CHD9: variants seen among roughly 807,000 people sequenced by gnomAD.
CHD9 encodes the protein chromodomain helicase DNA binding protein 9, also known as ATP-dependent chromatin remodeler CHD9.
Under a neutral mutation model 316.1 loss-of-function variants are expected in CHD9, and 77 were observed. That is an observed-to-expected ratio of 0.24 (90% CI 0.20 to 0.29). The LOEUF is 0.29. Ranked by LOEUF, CHD9 falls within the 10% of genes least tolerant of loss-of-function variation. CHD9 has a pLI of 1.00. For missense variants in CHD9, 2,763 were observed against 3,438.1 expected (o/e 0.80, Z 4.91); for synonymous variants, 1,129 against 1,158.3 (o/e 0.97, Z 0.51).
rs143244358 is a variant in CHD9, at chr16:53,291,493, G to C, written c.5248-232G>C. Among the ~76,000 whole-genome samples the C allele has an allele frequency of 7.9e-3, 1,199 of 152,252 alleles. 10 individuals carry two copies. Among genetic ancestry groups the C allele is most frequent in the Non-Finnish European group, 0.011 (736 of 68,002 alleles). On this transcript the variant is annotated intron_variant, in intron 27 of 38. Coordinates refer to ENST00000447540, the MANE Select transcript of CHD9 (RefSeq NM_001308319.2). ...CTAGCTTAACAGTAATCATAGAAAAGGAAATACTTTTAGTAAATAATGACT... is the reference window on the plus strand; with the variant it reads ...CTAGCTTAACAGTAATCATAGAAAACGAAATACTTTTAGTAAATAATGACT...
In CHD9 at chr16:53,245,216, T is replaced by TAC; in HGVS notation, c.3055-119_3055-118insCA. 1.6e-6 allele frequency: 1 copy of TAC among 636,434 alleles called. No homozygotes were observed. The highest frequency in any genetic ancestry group is 2.5e-6 in the Non-Finnish European group (1 of 402,342). The allele number at this position is 636,434 out of a possible 1,614,324, so 39.4% of individuals were successfully genotyped here. On this transcript the variant is annotated intron_variant, in intron 13 of 38. Transcript: ENST00000447540. The surrounding 1 kb of genome is among the most constrained non-coding windows in gnomAD (Gnocchi z 4.1). The stretch of plus-strand genomic sequence containing the variant: ...TATATACACACACACACACATAACA[T>TAC]ATATATATGTATATATAGTCAGAAA...
In CHD9 at chr16:53,064,262, T is replaced by C. The variant is rs139254838; in HGVS notation, c.-165+9185T>C. Among the ~76,000 whole-genome samples the C allele has an allele frequency of 4.4e-3, 663 of 152,350 alleles. 8 individuals carry two copies. Among genetic ancestry groups the C allele is most frequent in the African/African-American group, 0.015 (630 of 41,584 alleles). The stretch of plus-strand genomic sequence containing the variant: ...GATCTTCTGTGCTCTAGATTAAACA[T>C]TGCCAGTTCCTTCTACTAGTTTCTG... On this transcript the variant is annotated intron_variant, in intron 1 of 38. Coordinates refer to ENST00000447540, the MANE Select transcript of CHD9 (RefSeq NM_001308319.2).
At chr16:53,062,504 G>A (rs1414178496) in intron 1 of CHD9, among the ~76,000 whole-genome samples, 1 of 152,166 alleles carries the variant, frequency 6.6e-6, no homozygotes, top group Non-Finnish European at 1.5e-5. Context: ...TACTTTGGGA[G>A]GTACACGCAG....
chr16:53,144,184 G>T (rs1002343621), intron 1 of CHD9, among the ~76,000 whole-genome samples: 3 of 152,088 alleles, frequency 2.0e-5, no homozygotes, highest in African/African-American at 7.2e-5. Context: ...CTGTGTTTTG[G>T]TTAGGGTAGT....
At chr16:53,097,488 C>A (rs1413639543) in intron 1 of CHD9, among the ~76,000 whole-genome samples, 5 of 152,046 alleles carry the variant, frequency 3.3e-5, no homozygotes, top group African/African-American at 1.2e-4. Context: ...CAGCCTCAAA[C>A]TCCTAGGCTC....
Position 53,324,858 on chromosome 16 carries a change from C to A in CHD9, c.8657C>A (p.Ser2886Ter). 1 of 1,606,436 alleles carries A rather than the reference C, an allele frequency of 6.2e-7. No homozygotes were observed. Among genetic ancestry groups the A allele is most frequent in the Admixed American group, 1.7e-5 (1 of 58,234 alleles). ...DASSGSDSTS[S>*]SSEDSDSSNE... ...TCATCTGGATCTGATAGTACATCGT[C>A]GTCATCTGAGGATTCAGATTCTAGT... The change falls in exon 39 of 39, where the codon TCG (serine) becomes TAG (stop). Residue 2886 changes from serine to a stop codon, truncating the protein, a stop_gained. Transcript: ENST00000447540. LOFTEE classifies it high-confidence loss of function.
intron 1 of CHD9, among the ~76,000 whole-genome samples, chr16:53,123,006 C>T (rs998736380): frequency 1.8e-4 from 27 of 151,156 alleles, no homozygotes; most frequent in African/African-American, 5.6e-4. Flanking sequence ...AGTGAGCCAC[C>T]GCGCCCGGCC....
intron 26 of CHD9, among the ~76,000 whole-genome samples, chr16:53,287,245 A>T (rs1383954679): frequency 6.6e-6 from 1 of 152,188 alleles, no homozygotes; most frequent in African/African-American, 2.4e-5. Context: ...TGCGGAGATT[A>T]TAGGTGTGAG....
At position 53,263,086 on chromosome 16, in the gene CHD9, A is replaced by G; in HGVS notation, c.4309A>G (p.Ile1437Val). 2 of 1,610,398 alleles carry G rather than the reference A, an allele frequency of 1.2e-6. No homozygotes were observed. Among genetic ancestry groups the G allele is most frequent in the South Asian group, 2.2e-5 (2 of 90,566 alleles). The change falls in exon 20 of 39, where the codon ATC (isoleucine) becomes GTC (valine). Residue 1437 changes from isoleucine (I) to valine (V), a missense_variant. Ile to Val is a conservative substitution (Grantham distance 29, BLOSUM62 3). Coordinates refer to ENST00000447540, the MANE Select transcript of CHD9 (RefSeq NM_001308319.2). The stretch of plus-strand genomic sequence containing the variant: ...AAAGGCAGAAATAGATATAGAGGCC[A>G]TCAGTGGCAGAGTAAGTATTTTTAT... ...AKKAEIDIEA[I>V]SGRNSLVIDT...
At chr16:53,112,656 A>G (rs1268950593) in intron 1 of CHD9, among the ~76,000 whole-genome samples, 2 of 152,178 alleles carry the variant, frequency 1.3e-5, no homozygotes, top group Non-Finnish European at 2.9e-5. Flanking sequence ...AAGACAAAAG[A>G]CCAGTACTTT....
intron 2 of CHD9, among the ~76,000 whole-genome samples, chr16:53,205,580 T>C (rs1217769986): frequency 6.6e-6 from 1 of 152,222 alleles, no homozygotes; most frequent in Non-Finnish European, 1.5e-5. Flanking sequence ...CTGTTGATAT[T>C]CTGTGGGAAT....
At chr16:53,114,736 T>C (rs1036803190) in intron 1 of CHD9, among the ~76,000 whole-genome samples, 3 of 152,076 alleles carry the variant, frequency 2.0e-5, no homozygotes, top group Non-Finnish European at 2.9e-5. Flanking sequence ...TACAGGCGCC[T>C]GCCACCACGT....
intron 20 of CHD9, among the ~76,000 whole-genome samples, chr16:53,264,047 G>C (rs78794554): frequency 6.6e-6 from 1 of 151,682 alleles, no homozygotes; most frequent in Non-Finnish European, 1.5e-5. Flanking sequence ...AAAAAAAAAA[G>C]ATATAGAACA....
intron 31 of CHD9, among the ~76,000 whole-genome samples, chr16:53,305,697 C>T (rs1237461752): frequency 6.6e-6 from 1 of 152,148 alleles, no homozygotes; most frequent in Non-Finnish European, 1.5e-5. Flanking sequence ...TCTGCAGGAA[C>T]CCTTGCAGCA....
chr16:53,251,864 C>A (rs932890579), intron 17 of CHD9, among the ~76,000 whole-genome samples: 2 of 150,748 alleles, frequency 1.3e-5, no homozygotes, highest in African/African-American at 4.9e-5. Flanking sequence ...GGTTTTTTTT[C>A]CCCCAAAAAA....
chr16:53,299,762 T>C, intron 30 of CHD9: 1 of 173,684 alleles, frequency 5.8e-6, no homozygotes, highest in East Asian at 1.5e-4. Flanking sequence ...GACAAGCAGG[T>C]TGAAGAGAAA....
chr16:53,246,593 C>T (rs1359673489), intron 15 of CHD9, among the ~76,000 whole-genome samples: 2 of 152,074 alleles, frequency 1.3e-5, no homozygotes, highest in Admixed American at 1.3e-4. Context: ...GTTCATAGCT[C>T]ACAGTAGCCT....
chr16:53,095,138 C>T (rs1443324466), intron 1 of CHD9, among the ~76,000 whole-genome samples: 2 of 152,154 alleles, frequency 1.3e-5, no homozygotes, highest in Non-Finnish European at 2.9e-5. Flanking sequence ...TTTGCCTTCC[C>T]CACCCTATTC....
chr16:53,188,590 ACTGGTCATTAC>A (rs2044223668), intron 2 of CHD9, among the ~76,000 whole-genome samples: 2 of 115,434 alleles, frequency 1.7e-5, no homozygotes, highest in South Asian at 5.8e-4. Context: ...TCATGGGCTT[ACTGGTCATTAC>A]CTTTTTTTTT....
Sources: allele counts gnomAD v4.1 joint callset (sites outside exome capture counted in the v4.1 genomes callset), GRCh38; gene constraint gnomAD v4.1.1; non-coding constraint Gnocchi (gnomAD v3.1); transcripts MANE v1.5; gene names NCBI Gene and HGNC (gene_info 2026-07-23, HGNC 2026-07-21).